INPP4B: variants seen among roughly 807,000 people sequenced by gnomAD.
The protein encoded by INPP4B is inositol polyphosphate 4-phosphatase type II.
A neutral mutation model predicts 122.5 loss-of-function variants in INPP4B; 55 were observed. The ratio of observed to expected loss-of-function variants is 0.45; its 90% confidence interval spans 0.36 to 0.56. INPP4B has a LOEUF of 0.56. Ranked by LOEUF, INPP4B falls within the 20% of genes least tolerant of loss-of-function variation. The probability of loss-of-function intolerance (pLI) is 0.00; values close to 1 mark genes in which losing one functional copy is unlikely to be tolerated. For synonymous variants in INPP4B, 403 were observed against 388.7 expected, an observed-to-expected ratio of 1.04 and a Z score of -0.43; for missense variants, 1,000 against 1,097.7, an observed-to-expected ratio of 0.91 and a Z score of 1.26.
chr4:142,585,985 T>G (rs1294531099), intron 2 of INPP4B, among the ~76,000 whole-genome samples: 1 of 151,836 alleles, frequency 6.6e-6, no homozygotes, highest in African/African-American at 2.4e-5. Context: ...CATTAGGTAT[T>G]AGGAGAAATA....
At chr4:142,451,257 T>G (rs577428099) in intron 3 of INPP4B, among the ~76,000 whole-genome samples, 3 of 145,066 alleles carry the variant, frequency 2.1e-5, no homozygotes, top group South Asian at 2.3e-4. Context: ...TTTTTTTTTT[T>G]TTTTTTTTTT....
intron 7 of INPP4B, among the ~76,000 whole-genome samples, chr4:142,363,704 T>A (rs992861561): frequency 6.6e-6 from 1 of 152,096 alleles, no homozygotes; most frequent in Non-Finnish European, 1.5e-5. Flanking sequence ...TCTCCTCTTA[T>A]AGCAGGTAAA....
chr4:142,721,577 C>T (rs1326473478), intron 2 of INPP4B, among the ~76,000 whole-genome samples: 1 of 152,202 alleles, frequency 6.6e-6, no homozygotes, highest in African/African-American at 2.4e-5. Context: ...AATCCCAGCA[C>T]TTTGGGAGGC....
chr4:142,257,883 C>T (rs1354293695), intron 11 of INPP4B, among the ~76,000 whole-genome samples: 1 of 152,142 alleles, frequency 6.6e-6, no homozygotes, highest in Non-Finnish European at 1.5e-5. Context: ...AAAAAAGAGC[C>T]TGCATTGCCA....
intron 12 of INPP4B, among the ~76,000 whole-genome samples, chr4:142,210,029 T>G (rs1844251135): frequency 6.6e-6 from 1 of 152,164 alleles, no homozygotes; most frequent in East Asian, 1.9e-4. Flanking sequence ...GAATGCCTTT[T>G]TAAAACTATA....
rs150271985 is a variant in INPP4B, at chr4:142,132,945, C to T, written c.1721-8185G>A. Among the ~76,000 whole-genome samples, 4 of 152,256 alleles carry T rather than the reference C, an allele frequency of 2.6e-5. No homozygotes were observed. The East Asian group carries it at 7.7e-4, about 29-fold the overall frequency. On this transcript the variant is annotated intron_variant, in intron 18 of 25. Coordinates refer to ENST00000262992, the MANE Select transcript of INPP4B (RefSeq NM_001101669.3). ...TCTTTTAACCCACTCTACTTAATTC[C>T]TACCCACTCTAGTAAGGCTACTCTC... is the stretch of plus-strand genomic sequence containing the variant.
intron 7 of INPP4B, among the ~76,000 whole-genome samples, chr4:142,381,528 T>G (rs954356383): frequency 1.3e-5 from 2 of 152,158 alleles, no homozygotes; most frequent in South Asian, 4.1e-4. Context: ...ATCTTATTTA[T>G]GCCATACATA....
intron 3 of INPP4B, 128 bp from the exon 4 acceptor site, chr4:142,431,513 C>T (rs1809286355): frequency 2.0e-6 from 1 of 492,026 alleles, no homozygotes; most frequent in African/African-American, 2.0e-5. Flanking sequence ...CTCATACTTT[C>T]AGAACCATTC....
At chr4:142,558,821 A>G (rs1012170775) in intron 2 of INPP4B, among the ~76,000 whole-genome samples, 3 of 146,400 alleles carry the variant, frequency 2.0e-5, no homozygotes, top group Admixed American at 6.9e-5. Flanking sequence ...AAAAAAAAAA[A>G]AAGAAGCTCA....
intron 1 of INPP4B, among the ~76,000 whole-genome samples, chr4:142,770,407 T>C (rs1347482638): frequency 6.6e-6 from 1 of 152,180 alleles, no homozygotes; most frequent in Non-Finnish European, 1.5e-5. Context: ...TCTCAGCTTA[T>C]AGAGAAGATG....
chr4:142,321,217 T>C (rs1769868548), intron 7 of INPP4B, among the ~76,000 whole-genome samples: 1 of 152,214 alleles, frequency 6.6e-6, no homozygotes, highest in Non-Finnish European at 1.5e-5. Context: ...TCCTGATAAT[T>C]AGTGATGTTG....
Position 142,246,061 on chromosome 4 carries a change from G to GTGTGTGTATACACACATTATATA in INPP4B, c.689-8051_689-8050insTATATAATGTGTGTATACACACA, listed in dbSNP as rs1398885928. Among the ~76,000 whole-genome samples the GTGTGTGTATACACACATTATATA allele has an allele frequency of 3.8e-4, 11 of 28,592 alleles. No individual in the cohort carries two copies. The East Asian group carries it at 0.047, about 123-fold the overall frequency. The allele number at this position is 28,592 out of a possible 152,430, so 18.8% of individuals were successfully genotyped here. On this transcript the variant is annotated intron_variant, in intron 11 of 25. Transcript: ENST00000262992. Reference sequence around the variant, plus strand: ...GTGTGTATACACACATTATATATATGTGTGTGTGTATACACACATTATATA... The same window carrying GTGTGTGTATACACACATTATATA: ...GTGTGTATACACACATTATATATATGTGTGTGTATACACACATTATATATGTGTGTGTATACACACATTATATA...
intron 2 of INPP4B, among the ~76,000 whole-genome samples, chr4:142,633,235 T>C (rs1748378773): frequency 2.0e-5 from 3 of 151,910 alleles, no homozygotes; most frequent in African/African-American, 7.3e-5. Flanking sequence ...AATACTATAG[T>C]TTCAAAATAT....
intron 2 of INPP4B, among the ~76,000 whole-genome samples, chr4:142,554,280 C>T (rs963501241): frequency 6.8e-6 from 1 of 146,578 alleles, no homozygotes; most frequent in Non-Finnish European, 1.5e-5. Flanking sequence ...CAAATGTTTT[C>T]TATTAAAAAG....
intron 7 of INPP4B, among the ~76,000 whole-genome samples, chr4:142,390,943 T>C (rs1797475131): frequency 6.6e-6 from 1 of 152,174 alleles, no homozygotes; most frequent in Non-Finnish European, 1.5e-5. Context: ...TGAAAAGCAC[T>C]CTTCAATACA....
chr4:142,618,677 T>C (rs567231283), intron 2 of INPP4B, among the ~76,000 whole-genome samples: 4 of 152,164 alleles, frequency 2.6e-5, no homozygotes, highest in East Asian at 1.9e-4. Context: ...GTCTTGACAA[T>C]GATTTCTTGC....
chr4:142,114,688 G>T (rs771256878), intron 21 of INPP4B, among the ~76,000 whole-genome samples: 1 of 151,906 alleles, frequency 6.6e-6, no homozygotes, highest in Non-Finnish European at 1.5e-5. Context: ...TATAGGATTT[G>T]TAAATATTAT....
intron 9 of INPP4B, among the ~76,000 whole-genome samples, chr4:142,300,652 C>T (rs1367299950): frequency 6.6e-6 from 1 of 151,996 alleles, no homozygotes; most frequent in Admixed American, 6.6e-5. Flanking sequence ...CATATGCATG[C>T]ATAGGTATAC....
intron 17 of INPP4B, among the ~76,000 whole-genome samples, chr4:142,159,378 A>G (rs1055699775): frequency 1.3e-5 from 2 of 152,006 alleles, no homozygotes; most frequent in Non-Finnish European, 2.9e-5. Context: ...AACACTCAGC[A>G]TTTACCTCTT....
Sources: allele counts gnomAD v4.1 joint callset (sites outside exome capture counted in the v4.1 genomes callset), GRCh38; gene constraint gnomAD v4.1.1; transcripts MANE v1.5; gene names NCBI Gene and HGNC (gene_info 2026-07-23, HGNC 2026-07-21).